Variants in CSMD1 observed in about 807,000 individuals in gnomAD.
The protein encoded by CSMD1 is CUB and sushi domain-containing protein 1.
CSMD1 carries 213 observed loss-of-function variants against 417.5 expected under a neutral mutation model. The ratio of observed to expected loss-of-function variants is 0.51; its 90% confidence interval spans 0.46 to 0.57. CSMD1 has a LOEUF of 0.57. Ranked by LOEUF, CSMD1 falls within the 20% of genes least tolerant of loss-of-function variation. CSMD1 has a pLI of 0.00. For missense variants in CSMD1, 6,923 were observed against 4,529.7 expected (o/e 1.53, Z -15.17); for synonymous variants, 2,862 against 1,736.8 (o/e 1.65, Z -16.11).
chr8:4,915,927 T>G (rs182715191), intron 1 of CSMD1, among the ~76,000 whole-genome samples: 83 of 152,282 alleles, frequency 5.5e-4, no homozygotes, highest in Non-Finnish European at 6.6e-4. Context: ...GGAGTGGGTA[T>G]AAAACTGCAA....
At chr8:3,566,495 T>C (rs902026646) in intron 10 of CSMD1, among the ~76,000 whole-genome samples, 2 of 151,892 alleles carry the variant, frequency 1.3e-5, no homozygotes, top group African/African-American at 4.8e-5. Flanking sequence ...TGGTGTGCTG[T>C]CAGTGTGCTC....
chr8:4,416,604 G>A (rs1275392140), intron 3 of CSMD1, among the ~76,000 whole-genome samples: 2 of 152,086 alleles, frequency 1.3e-5, no homozygotes, highest in Middle Eastern at 3.4e-3. Context: ...TAAAATAGAA[G>A]AATTCCTTTT....
At chr8:4,249,808 A>C (rs2128829842) in intron 3 of CSMD1, among the ~76,000 whole-genome samples, 1 of 152,278 alleles carries the variant, frequency 6.6e-6, no homozygotes, top group South Asian at 2.1e-4. Flanking sequence ...GTGTCAGTTT[A>C]GAAATTCTTC....
At chr8:3,946,829 A>G (rs1324331793) in intron 5 of CSMD1, among the ~76,000 whole-genome samples, 1 of 152,062 alleles carries the variant, frequency 6.6e-6, no homozygotes, top group Admixed American at 6.6e-5. Flanking sequence ...AATTCTGTAA[A>G]TGTTATAATT....
rs73503873 is a variant in CSMD1 at position 4,869,548 on chromosome 8, G to A, written c.85+124784C>T. Among the ~76,000 whole-genome samples, 560 of 151,928 alleles carry A rather than the reference G, an allele frequency of 3.7e-3. 6 individuals are homozygous for A. Among genetic ancestry groups the A allele is most frequent in the African/African-American group, 0.013 (527 of 41,410 alleles). On this transcript the variant is annotated intron_variant, in intron 1 of 69. Transcript: ENST00000635120. Reference sequence around the variant, plus strand: ...GTGTATCTATTTATATTTTTTTACTGCATGGCTGTTATGAAAAGCCTATTT... The same window carrying A: ...GTGTATCTATTTATATTTTTTTACTACATGGCTGTTATGAAAAGCCTATTT...
intron 3 of CSMD1, among the ~76,000 whole-genome samples, chr8:4,044,019 G>T (rs1798023647): frequency 7.1e-6 from 1 of 140,326 alleles, no homozygotes; most frequent in South Asian, 2.2e-4. Context: ...TTTTGGCAAA[G>T]CTTAATTAAA....
chr8:4,531,035 G>A (rs924857497), intron 2 of CSMD1, among the ~76,000 whole-genome samples: 25 of 151,988 alleles, frequency 1.6e-4, no homozygotes, highest in Admixed American at 1.6e-3. Flanking sequence ...GCTCTCTGTT[G>A]GATTACGTTG....
At chr8:3,129,330 T>C (rs182580224) in intron 41 of CSMD1, among the ~76,000 whole-genome samples, 2 of 152,386 alleles carry the variant, frequency 1.3e-5, no homozygotes. Context: ...ACCTGTGCTC[T>C]AGATGATTCC....
intron 4 of CSMD1, among the ~76,000 whole-genome samples, chr8:4,012,542 C>T (rs763394795): frequency 6.6e-6 from 1 of 152,130 alleles, no homozygotes; most frequent in Non-Finnish European, 1.5e-5. Context: ...GTGATCACAG[C>T]ACCTGGCAGG....
intron 68 of CSMD1, 98 bp downstream of exon 68, chr8:2,949,201 A>C: frequency 1.5e-6 from 1 of 667,508 alleles, no homozygotes; most frequent in Non-Finnish European, 2.6e-6. Flanking sequence ...ATTTTTGTTT[A>C]GGTTTCTTTT....
intron 1 of CSMD1, among the ~76,000 whole-genome samples, chr8:4,715,126 T>C (rs1808571029): frequency 6.6e-6 from 1 of 152,194 alleles, no homozygotes; most frequent in Non-Finnish European, 1.5e-5. Flanking sequence ...ATCCAAAAAC[T>C]AGTAAGATTA....
chr8:3,831,306 T>C (rs1264587712), intron 5 of CSMD1, among the ~76,000 whole-genome samples: 1 of 152,170 alleles, frequency 6.6e-6, no homozygotes, highest in Non-Finnish European at 1.5e-5. Flanking sequence ...AGCTGTGGCA[T>C]GTTGCATTTC....
chr8:3,690,108 C>T (rs1335107298), intron 7 of CSMD1, among the ~76,000 whole-genome samples: 1 of 152,282 alleles, frequency 6.6e-6, no homozygotes, highest in East Asian at 1.9e-4. Flanking sequence ...TCTGTAATCC[C>T]AGCACTTTAG....
At chr8:4,572,567 A>G (rs945705700) in intron 2 of CSMD1, among the ~76,000 whole-genome samples, 13 of 151,898 alleles carry the variant, frequency 8.6e-5, no homozygotes, top group Non-Finnish European at 1.8e-4. Flanking sequence ...CTGTGTTTCA[A>G]CCTTGGTGAA....
intron 2 of CSMD1, among the ~76,000 whole-genome samples, chr8:4,436,629 AT>A (rs966966482): frequency 6.6e-6 from 1 of 151,780 alleles, no homozygotes; most frequent in African/African-American, 2.4e-5. Flanking sequence ...TCCTTCTTCT[AT>A]TTTTTTTAAT....
rs760080589 is a variant in CSMD1, at chr8:3,408,074, C to T, written c.1896G>A (p.Glu632=). The T allele has an allele frequency of 1.4e-5, 22 of 1,613,850 alleles. No individual in the cohort carries two copies. The highest frequency in any genetic ancestry group is 1.8e-5 in the Non-Finnish European group (21 of 1,179,874). Reference sequence around the variant, plus strand: ...TGACCGCGAGAAAGTCAAACTGAGGCTCAACATCAAAATCATTAAAGATTA... The same window carrying T: ...TGACCGCGAGAAAGTCAAACTGAGGTTCAACATCAAAATCATTAAAGATTA... ...IHLIFNDFDV[E]PQFDFLAVKD... The change falls in exon 14 of 70, where the codon GAG becomes GAA. Residue 632 remains glutamate, a synonymous_variant. Coordinates refer to ENST00000635120, the MANE Select transcript of CSMD1 (RefSeq NM_033225.6).
chr8:4,941,912 T>C (rs1161412238), intron 1 of CSMD1, among the ~76,000 whole-genome samples: 1 of 152,196 alleles, frequency 6.6e-6, no homozygotes, highest in Non-Finnish European at 1.5e-5. Flanking sequence ...ATCAGCAATT[T>C]GATGATGCTA....
At chr8:4,917,122 G>A (rs565328760) in intron 1 of CSMD1, among the ~76,000 whole-genome samples, 1 of 152,158 alleles carries the variant, frequency 6.6e-6, no homozygotes, top group Non-Finnish European at 1.5e-5. Context: ...TTACAGTCAT[G>A]GTGGAAGGGA....
intron 5 of CSMD1, among the ~76,000 whole-genome samples, chr8:3,879,764 A>T (rs1396402065): frequency 1.3e-5 from 2 of 152,160 alleles, no homozygotes; most frequent in Admixed American, 1.3e-4. Flanking sequence ...TTTTTCTATG[A>T]ACTAACATTG....
Sources: allele counts gnomAD v4.1 joint callset (sites outside exome capture counted in the v4.1 genomes callset), GRCh38; gene constraint gnomAD v4.1.1; transcripts MANE v1.5; gene names NCBI Gene and HGNC (gene_info 2026-07-23, HGNC 2026-07-21).